CLEC3B: variants seen among roughly 807,000 people sequenced by gnomAD.
CLEC3B encodes C-type lectin domain family 3 member B, also known as tetranectin.
In CLEC3B, 13 loss-of-function variants were observed where a neutral mutation model predicts 15.4. The observed-to-expected ratio is 0.84, with a 90% confidence interval of 0.55 to 1.34. The LOEUF is 1.34. Among genes scored for constraint, CLEC3B ranks in the 40% most tolerant of loss-of-function variants. CLEC3B has a pLI of 0.00. For missense variants in CLEC3B, 242 were observed against 268.6 expected, an observed-to-expected ratio of 0.90 and a Z score of 0.69; for synonymous variants, 112 against 114.7, an observed-to-expected ratio of 0.98 and a Z score of 0.15.
chr3:45,032,492 G>A (rs574189572), intron 2 of CLEC3B, among the ~76,000 whole-genome samples: 29 of 152,326 alleles, frequency 1.9e-4, no homozygotes, highest in Admixed American at 5.9e-4. Context: ...ACTGCAGTCT[G>A]TAATGATACA....
At chr3:45,031,508 C>T (rs1225671500) in intron 2 of CLEC3B, among the ~76,000 whole-genome samples, 3 of 152,250 alleles carry the variant, frequency 2.0e-5, no homozygotes, top group Non-Finnish European at 4.4e-5. Context: ...GAACCTGGCT[C>T]ATACTCACCT....
chr3:45,026,887 G>T (rs1362403750), intron 1 of CLEC3B, among the ~76,000 whole-genome samples: 1 of 152,188 alleles, frequency 6.6e-6, no homozygotes, highest in African/African-American at 2.4e-5. Context: ...TTCTCATGAA[G>T]ATTTTATGAT....
At chr3:45,031,238 A>C (rs1046602503) in intron 2 of CLEC3B, among the ~76,000 whole-genome samples, 2 of 152,190 alleles carry the variant, frequency 1.3e-5, no homozygotes, top group African/African-American at 4.8e-5. Flanking sequence ...ACCAGAAGTG[A>C]CCCTGGAGCG....
intron 2 of CLEC3B, among the ~76,000 whole-genome samples, chr3:45,034,006 C>T (rs1697602135): frequency 6.6e-6 from 1 of 152,194 alleles, no homozygotes; most frequent in Non-Finnish European, 1.5e-5. Flanking sequence ...GATGACCCTT[C>T]GGCACTGTCC....
intron 1 of CLEC3B, among the ~76,000 whole-genome samples, chr3:45,029,482 G>A (rs748341596): frequency 6.6e-6 from 1 of 152,198 alleles, no homozygotes; most frequent in Non-Finnish European, 1.5e-5. Flanking sequence ...ACCTCAGGCT[G>A]GTTTGCCAGC....
At position 45,030,929 on chromosome 3, in the gene CLEC3B, A is replaced by G; in HGVS notation, c.208+4A>G. The G allele has an allele frequency of 6.4e-7, 1 of 1,558,476 alleles. No individual in the cohort carries two copies. The highest frequency in any genetic ancestry group is 8.7e-7 in the Non-Finnish European group (1 of 1,149,574). The stretch of plus-strand genomic sequence containing the variant: ...GAGCAGCAGGCCCTGCAGACGGGTG[A>G]GTGCAGGCAGTAGCCTCTCTGGGCA... On this transcript the variant is annotated splice_donor_region_variant and intron_variant, in intron 2 of 2. Coordinates refer to ENST00000296130, the MANE Select transcript of CLEC3B (RefSeq NM_003278.3).
At chr3:45,030,527 G>C (rs1193981207) in intron 1 of CLEC3B, among the ~76,000 whole-genome samples, 1 of 152,200 alleles carries the variant, frequency 6.6e-6, no homozygotes, top group Non-Finnish European at 1.5e-5. Context: ...AGGTAGCTGG[G>C]TGGTGGGGGA....
At chr3:45,035,448 GC>G in intron 2 of CLEC3B, 75 bp from the exon 3 acceptor site, 2 of 1,530,940 alleles carry the variant, frequency 1.3e-6, no homozygotes, top group Non-Finnish European at 1.8e-6. Context: ...AGGACGGTGG[GC>G]TTGGCCTGGG....
At chr3:45,032,120 A>G (rs1697567355) in intron 2 of CLEC3B, among the ~76,000 whole-genome samples, 1 of 151,804 alleles carries the variant, frequency 6.6e-6, no homozygotes, top group South Asian at 2.1e-4. Flanking sequence ...CAGCAAATCT[A>G]TAAACCACCC....
In CLEC3B at chr3:45,035,856, A is replaced by T; in HGVS notation, c.541A>T (p.Asn181Tyr). 1.2e-6 allele frequency: 2 copies of T among 1,612,566 alleles called. No homozygotes were observed. ...ENCAVLSGAANGKWFDKRCRD... is the reference protein window; with the variant it reads ...ENCAVLSGAAYGKWFDKRCRD... ...CTGCGCGGTCCTGTCAGGCGCGGCC[A>T]ACGGCAAGTGGTTCGACAAGCGCTG... is the stretch of plus-strand genomic sequence containing the variant. Residue 181 changes from asparagine to tyrosine, a missense_variant, in exon 3 of 3, where the codon AAC (asparagine) becomes TAC (tyrosine). Transcript: ENST00000296130.
intron 1 of CLEC3B, 48 bp downstream of exon 1, chr3:45,026,519 C>T (rs1455873512): frequency 1.3e-6 from 2 of 1,518,012 alleles, no homozygotes; most frequent in African/African-American, 1.4e-5. Flanking sequence ...GAGCAGGTCC[C>T]CCTCTCCTTA....
At position 45,035,845 on chromosome 3, in the gene CLEC3B, C is replaced by T. The variant is rs762244981; in HGVS notation, c.530C>T (p.Ser177Leu). The T allele has an allele frequency of 3.7e-6, 6 of 1,612,712 alleles. No homozygotes were observed. The highest frequency in any genetic ancestry group is 5.1e-6 in the Non-Finnish European group (6 of 1,179,870). Residue 177 changes from serine to leucine, a missense_variant, in exon 3 of 3, where the codon TCA (serine) becomes TTA (leucine). Transcript: ENST00000296130. ...GGKTENCAVL[S>L]GAANGKWFDK... ...AAGACCGAGAACTGCGCGGTCCTGT[C>T]AGGCGCGGCCAACGGCAAGTGGTTC...
chr3:45,035,657 C>T lies in CLEC3B; in HGVS notation c.342C>T (p.Asn114=), dbSNP rs759592641. 5.0e-6 allele frequency: 8 copies of T among 1,613,560 alleles called. No homozygotes were observed. The South Asian group carries it at 8.8e-5, about 18-fold the overall frequency. ...TLGTPQTGSE[N]DALYEYLRQS... is the part of the protein sequence containing the mutation. ...GCACCCCTCAGACTGGCTCGGAGAA[C>T]GACGCCCTGTATGAGTACCTGCGCC... Residue 114 remains asparagine (N), a synonymous_variant, in exon 3 of 3, where the codon AAC becomes AAT. Coordinates refer to ENST00000296130, the MANE Select transcript of CLEC3B (RefSeq NM_003278.3).
At chr3:45,033,789 A>G (rs1009144309) in intron 2 of CLEC3B, among the ~76,000 whole-genome samples, 2 of 152,156 alleles carry the variant, frequency 1.3e-5, no homozygotes, top group East Asian at 1.9e-4. Context: ...AGGACTACCT[A>G]TGTGTTGGAG....
At chr3:45,035,431 G>A (rs1697624339) in intron 2 of CLEC3B, 93 bp from the exon 3 acceptor site, 1 of 1,492,486 alleles carries the variant, frequency 6.7e-7, no homozygotes, top group East Asian at 2.3e-5. Flanking sequence ...TAAACGGGAT[G>A]GGATGGAGGA....
In CLEC3B at chr3:45,036,002, A is replaced by C; in HGVS notation, c.*78A>C. 1.4e-6 allele frequency: 2 copies of C among 1,408,354 alleles called. No individual in the cohort carries two copies. Among genetic ancestry groups the C allele is most frequent in the South Asian group, 2.8e-5 (2 of 71,972 alleles). 87.2% of individuals were successfully genotyped at this position (1,408,354 alleles called of 1,614,324 possible). A position where few individuals can be genotyped will look rare whatever the true frequency, so the allele number is the denominator to read the frequency against. On this transcript the variant is annotated 3_prime_UTR_variant, in exon 3 of 3. Coordinates refer to ENST00000296130, the MANE Select transcript of CLEC3B (RefSeq NM_003278.3). ...GCCGGGAGGAGGGTGGGGACCTTGC[A>C]GCCCCCATCCTCTCCGTGCGCTTGG... is the stretch of plus-strand genomic sequence containing the variant.
At chr3:45,033,415 C>A (rs1210489693) in intron 2 of CLEC3B, among the ~76,000 whole-genome samples, 1 of 152,140 alleles carries the variant, frequency 6.6e-6, no homozygotes, top group Non-Finnish European at 1.5e-5. Context: ...TCAATAAACC[C>A]ACCCAAAGCA....
chr3:45,029,421 G>A (rs1359312009), intron 1 of CLEC3B, among the ~76,000 whole-genome samples: 1 of 152,202 alleles, frequency 6.6e-6, no homozygotes, highest in Non-Finnish European at 1.5e-5. Context: ...ACGTGACTGG[G>A]TACAGTGCTG....
At chr3:45,030,407 T>A (rs1697537953) in intron 1 of CLEC3B, among the ~76,000 whole-genome samples, 1 of 152,156 alleles carries the variant, frequency 6.6e-6, no homozygotes, top group Non-Finnish European at 1.5e-5. Flanking sequence ...TGCCCCAGGC[T>A]GGAGTGCCTG....
Sources: allele counts gnomAD v4.1 joint callset (sites outside exome capture counted in the v4.1 genomes callset), GRCh38; gene constraint gnomAD v4.1.1; transcripts MANE v1.5; gene names NCBI Gene and HGNC (gene_info 2026-07-23, HGNC 2026-07-21).